Variants in NUP93 observed in about 807,000 individuals in gnomAD.
NUP93 encodes nucleoporin 93.
Under a neutral mutation model 107.8 loss-of-function variants are expected in NUP93, and 55 were observed. The observed-to-expected ratio is 0.51, with a 90% CI of 0.41 to 0.64. The LOEUF (loss-of-function observed/expected upper bound fraction) is 0.64, where lower values mean the gene tolerates loss of function less well. NUP93 is among the 30% of genes least tolerant of loss of function. The pLI, the probability that NUP93 is intolerant of heterozygous loss-of-function variation, is 0.00. For missense variants in NUP93, 937 were observed against 1,044.7 expected (o/e 0.90, Z 1.42); for synonymous variants, 390 against 397.5 (o/e 0.98, Z 0.22).
rs2144457978 is a variant in NUP93 at position 56,748,369 on chromosome 16, A to C, written c.122A>C (p.Glu41Ala). The C allele has an allele frequency of 6.2e-7, 1 of 1,613,912 alleles. No individual in the cohort carries two copies. The highest frequency in any genetic ancestry group is 1.1e-5 in the South Asian group (1 of 91,064). ...RNLQEIQQAG[E>A]RLRSRTLTRT... ...TTACAGGAGATCCAGCAGGCGGGAG[A>C]GCGCCTGCGTTCCCGTACCCTAACA... Residue 41 changes from glutamate (E) to alanine (A), a missense_variant, in exon 2 of 22, where the codon GAG becomes GCG. By Grantham distance (107) the Glu-to-Ala change is moderately radical (BLOSUM62 -1). Coordinates refer to ENST00000308159, the MANE Select transcript of NUP93 (RefSeq NM_014669.5).
In NUP93 at chr16:56,846,227, A is replaced by G. The variant is rs1385940256; in HGVS notation, c.*1618A>G. 5 of 151,540 alleles carry G rather than the reference A, an allele frequency of 3.3e-5. No individual in the cohort carries two copies. Among genetic ancestry groups the G allele is most frequent in the Admixed American group, 2.0e-4 (3 of 15,222 alleles). The allele number at this position is 151,540 out of a possible 1,614,324, so 9.4% of individuals were successfully genotyped here. The stretch of plus-strand genomic sequence containing the variant: ...GGAGTTCAAGACCAGCCTGGCCAAC[A>G]TTGTGACACCCCGTCTATACTAAAA... On this transcript the variant is annotated 3_prime_UTR_variant, in exon 22 of 22. Coordinates refer to ENST00000308159, the MANE Select transcript of NUP93 (RefSeq NM_014669.5).
chr16:56,826,834 T>G (rs1596847472), intron 8 of NUP93, among the ~76,000 whole-genome samples: 1 of 151,172 alleles, frequency 6.6e-6, no homozygotes, highest in Non-Finnish European at 1.5e-5. Flanking sequence ...GATCACGAGG[T>G]CAAGAGATTG....
chr16:56,753,076 A>G (rs1224229970), intron 2 of NUP93, among the ~76,000 whole-genome samples: 1 of 152,226 alleles, frequency 6.6e-6, no homozygotes, highest in Middle Eastern at 3.2e-3. Context: ...GAGTTTATGT[A>G]CTAAAACAAA....
chr16:56,778,127 G>A (rs564194827), intron 3 of NUP93, among the ~76,000 whole-genome samples: 9 of 152,288 alleles, frequency 5.9e-5, no homozygotes, highest in African/African-American at 2.2e-4. Context: ...GAGCGACACA[G>A]GATTCTAAAT....
chr16:56,760,867 T>G (rs969471154), intron 3 of NUP93, among the ~76,000 whole-genome samples: 1 of 151,990 alleles, frequency 6.6e-6, no homozygotes, highest in African/African-American at 2.4e-5. Context: ...GAACATCACT[T>G]GAGTCCAGGA....
intron 4 of NUP93, among the ~76,000 whole-genome samples, chr16:56,798,871 CA>C (rs1184872315): frequency 0.029 from 2,376 of 82,864 alleles, 50 homozygotes; most frequent in Admixed American, 0.14. Context: ...GACCCTGTCT[CA>C]AAAAAAAAAA....
intron 10 of NUP93, 99 bp from the exon 11 acceptor site, chr16:56,831,743 T>A (rs1201681752): frequency 4.0e-6 from 5 of 1,238,366 alleles, no homozygotes; most frequent in Non-Finnish European, 5.7e-6. Flanking sequence ...GAAGGAAGGC[T>A]TCCCTGCTTT....
rs1943306419 is a variant in NUP93 at position 56,839,550 on chromosome 16, G to C, written c.2166G>C (p.Leu722=). The part of the protein sequence containing the change: ...DIIERLKLVP[L]NQESVEERVA... The stretch of plus-strand genomic sequence containing the variant: ...TTGAGCGCTTGAAGCTGGTGCCCCT[G>C]AATCAGGAAAGTGTGGAAGAGAGAG... The change falls in exon 20 of 22, where the codon CTG becomes CTC. Residue 722 remains leucine, a synonymous_variant. Coordinates refer to ENST00000308159, the MANE Select transcript of NUP93 (RefSeq NM_014669.5). 6.2e-7 allele frequency: 1 copy of C among 1,613,644 alleles called. No homozygotes were observed.
intron 8 of NUP93, among the ~76,000 whole-genome samples, chr16:56,826,803 T>A (rs1435440519): frequency 6.6e-6 from 1 of 151,794 alleles, no homozygotes; most frequent in African/African-American, 2.4e-5. Context: ...ATCCCAGCAC[T>A]TTGAGAGGCC....
At chr16:56,805,661 G>A in intron 5 of NUP93, 29 bp downstream of exon 5, 2 of 1,600,126 alleles carry the variant, frequency 1.2e-6, no homozygotes, top group East Asian at 4.5e-5. Context: ...ATAAACTACT[G>A]TTAATAAAAA....
rs117653420 is a variant in NUP93 at position 56,844,630 on chromosome 16, C to G, written c.*21C>G. ...ATTAAGTGCCATGCTTTGTGGGAGTCTGGGTCGGCACACTGTCAGTACATC... is the reference window on the plus strand; with the variant it reads ...ATTAAGTGCCATGCTTTGTGGGAGTGTGGGTCGGCACACTGTCAGTACATC... On this transcript the variant is annotated 3_prime_UTR_variant, in exon 22 of 22. Coordinates refer to ENST00000308159, the MANE Select transcript of NUP93 (RefSeq NM_014669.5). 0.011 allele frequency: 17,168 copies of G among 1,543,632 alleles called. 212 individuals carry two copies. The highest frequency in any genetic ancestry group is 0.011 in the Non-Finnish European group (12,056 of 1,130,352).
chr16:56,778,032 T>C (rs2144514116), intron 3 of NUP93, among the ~76,000 whole-genome samples: 1 of 152,304 alleles, frequency 6.6e-6, no homozygotes, highest in South Asian at 2.1e-4. Flanking sequence ...CTCTGGAAGT[T>C]TGTCTTCTAC....
chr16:56,765,542 A>G (rs1300188794), intron 3 of NUP93, among the ~76,000 whole-genome samples: 1 of 152,200 alleles, frequency 6.6e-6, no homozygotes, highest in Non-Finnish European at 1.5e-5. Context: ...CACCAGGTAC[A>G]TTTTAGGCCA....
chr16:56,735,495 A>C (rs1373734304), intron 1 of NUP93, among the ~76,000 whole-genome samples: 1 of 152,214 alleles, frequency 6.6e-6, no homozygotes, highest in Non-Finnish European at 1.5e-5. Context: ...ACCTGGATGG[A>C]TCCCTGTGAA....
At chr16:56,739,527 A>AC (rs1185216992) in intron 1 of NUP93, among the ~76,000 whole-genome samples, 40 of 38,640 alleles carry the variant, frequency 1.0e-3, no homozygotes, top group Admixed American at 1.4e-3. Context: ...GGGGGGGCTG[A>AC]CCCCCCCCCA....
intron 21 of NUP93, 122 bp from the exon 22 acceptor site, chr16:56,844,377 T>A (rs1414396404): frequency 2.2e-6 from 1 of 454,924 alleles, no homozygotes; most frequent in African/African-American, 2.0e-5. Flanking sequence ...CCATCAGGGA[T>A]CTGTCCCTGA....
chr16:56,738,371 A>G (rs560725668), intron 1 of NUP93, among the ~76,000 whole-genome samples: 3 of 152,250 alleles, frequency 2.0e-5, no homozygotes, highest in Non-Finnish European at 4.4e-5. Context: ...TGCTCATTGA[A>G]GAGGAAATAA....
At chr16:56,742,304 A>G (rs1280068558) in intron 1 of NUP93, among the ~76,000 whole-genome samples, 1 of 152,236 alleles carries the variant, frequency 6.6e-6, no homozygotes, top group Non-Finnish European at 1.5e-5. Context: ...CTTACTTATC[A>G]AGTCTAGCTT....
Position 56,758,519 on chromosome 16 carries a change from A to G in NUP93, c.180-19A>G, listed in dbSNP as rs751784382. On this transcript the variant is annotated intron_variant, in intron 2 of 21. Coordinates refer to ENST00000308159, the MANE Select transcript of NUP93 (RefSeq NM_014669.5). ...ATTTTCCCCTTACTTATATCTCCCT[A>G]TTCTATATCCTCACATAGGTCAGTT... The G allele has an allele frequency of 2.5e-6, 4 of 1,572,946 alleles. No homozygotes were observed. Among genetic ancestry groups the G allele is most frequent in the Non-Finnish European group, 3.5e-6 (4 of 1,142,742 alleles).
Sources: allele counts gnomAD v4.1 joint callset (sites outside exome capture counted in the v4.1 genomes callset), GRCh38; gene constraint gnomAD v4.1.1; transcripts MANE v1.5; gene names NCBI Gene and HGNC (gene_info 2026-07-23, HGNC 2026-07-21).